Variants in TGM3 observed in about 807,000 individuals in gnomAD.
TGM3 encodes the protein transglutaminase 3, also known as protein-glutamine gamma-glutamyltransferase E.
TGM3 carries 52 observed loss-of-function variants against 73.8 expected under a neutral mutation model. The observed-to-expected ratio is 0.70, with a 90% CI of 0.56 to 0.89. TGM3 has a LOEUF of 0.89. Among genes scored for constraint, TGM3 ranks in the 40% least tolerant of loss-of-function variants. The pLI is 0.00. For synonymous variants in TGM3, 372 were observed against 354.9 expected (o/e 1.05, Z -0.54); for missense variants, 928 against 909.9 (o/e 1.02, Z -0.26).
chr20:2,301,672 G>A (rs959987626), intron 1 of TGM3, among the ~76,000 whole-genome samples: 1 of 151,844 alleles, frequency 6.6e-6, no homozygotes. Context: ...TCTCTCAATA[G>A]AGCTTAAAAA....
At position 2,334,974 on chromosome 20, in the gene TGM3, T is replaced by C. The variant is rs2084340875; in HGVS notation, c.1643-142T>C. 7 of 1,031,848 alleles carry C rather than the reference T, an allele frequency of 6.8e-6. No homozygotes were observed. In the South Asian group the frequency reaches 9.3e-5, roughly 14 times the overall value. The allele number at this position is 1,031,848 out of a possible 1,614,324, so 63.9% of individuals were successfully genotyped here. ...ACCGGGGGACGCTTCCCACAGGACC[T>C]GGCCCAAGGAGGGCTCAGTCAAGCC... On this transcript the variant is annotated intron_variant, in intron 10 of 12. Coordinates refer to ENST00000381458, the MANE Select transcript of TGM3 (RefSeq NM_003245.4). This position sits in a 1 kb window ranked among gnomAD's most constrained non-coding sequence, Gnocchi z 4.0.
rs560860137 is a variant in TGM3 at position 2,335,181 on chromosome 20, A to G, written c.1708A>G (p.Ile570Val). 1 of 1,614,188 alleles carries G rather than the reference A, an allele frequency of 6.2e-7. No homozygotes were observed. The highest frequency in any genetic ancestry group is 1.3e-5 in the African/African-American group (1 of 75,054). The change falls in exon 11 of 13, where the codon ATC (isoleucine) becomes GTC (valine). Residue 570 changes from isoleucine (I) to valine (V), a missense_variant. By Grantham distance (29) the Ile-to-Val change is conservative (BLOSUM62 3). Transcript: ENST00000381458. ...YEKYLKSDNM[I>V]RITAVCKVPD... ...GAAGTACCTGAAGTCAGACAACATG[A>G]TCCGGATCACAGCGGTGTGCAAGGT... is the stretch of plus-strand genomic sequence containing the variant.
rs550723968 is a variant in TGM3, at chr20:2,332,409, C to T, written c.1642+99C>T. ...TGCTGGGCTCCAGGTTAGTCAGCTACGAATGGAGCAGCCAGCGGCCCCTGT... is the reference window on the plus strand; with the variant it reads ...TGCTGGGCTCCAGGTTAGTCAGCTATGAATGGAGCAGCCAGCGGCCCCTGT... On this transcript the variant is annotated intron_variant, in intron 10 of 12. Coordinates refer to ENST00000381458, the MANE Select transcript of TGM3 (RefSeq NM_003245.4). The surrounding 1 kb of genome is among the most constrained non-coding windows in gnomAD (Gnocchi z 4.4). 159 of 1,206,146 alleles carry T rather than the reference C, an allele frequency of 1.3e-4. 1 individual carries two copies. The highest frequency in any genetic ancestry group is 1.5e-4 in the Non-Finnish European group (133 of 885,284). The allele number at this position is 1,206,146 out of a possible 1,614,324, so 74.7% of individuals were successfully genotyped here. A position where few individuals can be genotyped will look rare whatever the true frequency, so the allele number is the denominator to read the frequency against.
In TGM3 at chr20:2,334,992, G is replaced by A. The variant is rs1319934233; in HGVS notation, c.1643-124G>A. ...CAGGACCTGGCCCAAGGAGGGCTCA[G>A]TCAAGCCCGGGGCTGCAGATCCTCC... On this transcript the variant is annotated intron_variant, in intron 10 of 12. Coordinates refer to ENST00000381458, the MANE Select transcript of TGM3 (RefSeq NM_003245.4). The surrounding 1 kb of genome is among the most constrained non-coding windows in gnomAD (Gnocchi z 4.0). 5.5e-6 allele frequency: 7 copies of A among 1,284,086 alleles called. No individual in the cohort carries two copies. The highest frequency in any genetic ancestry group is 7.6e-6 in the Non-Finnish European group (7 of 916,330). 79.5% of individuals were successfully genotyped at this position (1,284,086 alleles called of 1,614,324 possible).
chr20:2,335,384 T>C, intron 11 of TGM3, 111 bp downstream of exon 11: 1 of 1,370,768 alleles, frequency 7.3e-7, no homozygotes. Flanking sequence ...AAAGGAGAGT[T>C]TTTTCTTGCT....
chr20:2,296,262 C>A (rs2084106363), intron 1 of TGM3, among the ~76,000 whole-genome samples, 192 bp downstream of exon 1: 1 of 152,206 alleles, frequency 6.6e-6, no homozygotes, highest in African/African-American at 2.4e-5. Flanking sequence ...CTAGCATATT[C>A]TTGGGGTAGA....
intron 1 of TGM3, among the ~76,000 whole-genome samples, chr20:2,296,770 G>A (rs559335278): frequency 4.9e-4 from 74 of 152,262 alleles, no homozygotes; most frequent in African/African-American, 1.6e-3. Context: ...GCTTACTGTC[G>A]AGGATATGGG....
In TGM3 at chr20:2,328,185, G is replaced by A. The variant is rs189594278; in HGVS notation, c.1153G>A (p.Asp385Asn). 116 of 1,614,142 alleles carry A rather than the reference G, an allele frequency of 7.2e-5. 1 individual carries two copies. In the East Asian group the frequency reaches 2.0e-3, roughly 28 times the overall value. The change falls in exon 9 of 13, where the codon GAC becomes AAC. Residue 385 changes from aspartate to asparagine, a missense_variant. Transcript: ENST00000381458. The surrounding 1 kb of genome is among the most constrained non-coding windows in gnomAD (Gnocchi z 5.2). The stretch of plus-strand genomic sequence containing the variant: ...AGAGGGTGATGTGCAGCTGAACTTC[G>A]ACATGCCCTTTATCTTCGCGGAGGT... Reference protein sequence around the residue: ...VREGDVQLNFDMPFIFAEVNA... With the variant: ...VREGDVQLNFNMPFIFAEVNA...
intron 5 of TGM3, among the ~76,000 whole-genome samples, chr20:2,313,858 G>A (rs1436394041): frequency 1.3e-5 from 2 of 151,842 alleles, no homozygotes; most frequent in South Asian, 2.1e-4. Flanking sequence ...GTGAGACCTC[G>A]TCTCTACAGA....
chr20:2,309,139 A>G (rs2084189701), intron 1 of TGM3, among the ~76,000 whole-genome samples: 1 of 152,226 alleles, frequency 6.6e-6, no homozygotes. Flanking sequence ...TCAGCCACAC[A>G]AAGTGCTGGG....
chr20:2,340,086 T>C, intron 12 of TGM3, 99 bp downstream of exon 12: 3 of 1,435,528 alleles, frequency 2.1e-6, no homozygotes, highest in Non-Finnish European at 2.9e-6. Flanking sequence ...CCTCTGACCT[T>C]GGGTTCTTTA....
chr20:2,325,594 A>G (rs541455883), intron 7 of TGM3, among the ~76,000 whole-genome samples: 3 of 152,328 alleles, frequency 2.0e-5, no homozygotes, highest in South Asian at 2.1e-4. Flanking sequence ...TGACCCTGCC[A>G]TTGTTAGATG....
intron 1 of TGM3, among the ~76,000 whole-genome samples, chr20:2,305,509 T>C (rs1265096158): frequency 2.6e-5 from 4 of 152,224 alleles, no homozygotes; most frequent in Non-Finnish European, 5.9e-5. Flanking sequence ...TGAGCCTTTG[T>C]TCCTCATTGT....
intron 10 of TGM3, 112 bp from the exon 11 acceptor site, chr20:2,335,004 G>T (rs1267430800): frequency 5.1e-6 from 7 of 1,369,702 alleles, no homozygotes; most frequent in Non-Finnish European, 7.1e-6. Context: ...CAAGCCCGGG[G>T]CTGCAGATCC....
rs34897899 is a variant in TGM3 at position 2,301,707 on chromosome 20, A to AT, written c.7+5648dup. ...ACCACTCAGCTAGATACTTTTTAGC[A>AT]TTTTTTTTTTTGAGACGGAGTCTCC... On this transcript the variant is annotated intron_variant, in intron 1 of 12. Transcript: ENST00000381458. 4.4e-3 allele frequency among the ~76,000 whole-genome samples: 655 copies of AT among 147,238 alleles called. 19 individuals carry two copies. In the East Asian group the frequency reaches 0.077, roughly 17 times the overall value.
At chr20:2,316,141 T>C (rs1414801211) in intron 5 of TGM3, among the ~76,000 whole-genome samples, 1 of 152,234 alleles carries the variant, frequency 6.6e-6, no homozygotes, top group Non-Finnish European at 1.5e-5. Context: ...CCAGGCTGCC[T>C]CTTGGTTGTG....
chr20:2,306,596 C>T (rs35025891), intron 1 of TGM3, among the ~76,000 whole-genome samples: 2,899 of 151,550 alleles, frequency 0.019, 90 homozygotes, highest in African/African-American at 0.066. Flanking sequence ...CTTGCCTCAA[C>T]CTCCTGAGTA....
chr20:2,299,803 T>G (rs1257153699), intron 1 of TGM3, among the ~76,000 whole-genome samples: 2 of 152,102 alleles, frequency 1.3e-5, no homozygotes, highest in African/African-American at 4.8e-5. Context: ...AGGAAAGCTT[T>G]AAAGAAAATG....
chr20:2,331,478 G>A (rs188825740), intron 9 of TGM3, among the ~76,000 whole-genome samples: 14 of 152,136 alleles, frequency 9.2e-5, no homozygotes, highest in Non-Finnish European at 1.8e-4. Flanking sequence ...CTTGTCAACC[G>A]GCACAGATCA....
Sources: gnomAD v4.1 joint callset for allele counts (sites outside exome capture counted in the v4.1 genomes callset) on GRCh38, gnomAD v4.1.1 for gene constraint, Gnocchi (gnomAD v3.1) non-coding constraint, MANE v1.5 for transcripts, NCBI Gene and HGNC (gene_info 2026-07-23, HGNC 2026-07-21) for gene names.